FEM1B: variants seen among roughly 807,000 people sequenced by gnomAD.
The protein encoded by FEM1B is fem-1 homolog B, also known as protein fem-1 homolog B.
A neutral mutation model predicts 38.6 loss-of-function variants in FEM1B; 10 were observed. The ratio of observed to expected loss-of-function variants is 0.26; its 90% CI spans 0.16 to 0.44. The LOEUF is 0.44. FEM1B is among the 20% of genes least tolerant of loss of function. The pLI, the probability that FEM1B is intolerant of heterozygous loss-of-function variation, is 1.00. For synonymous variants in FEM1B, 288 were observed against 288.0 expected (o/e 1.00, Z 0.00); for missense variants, 471 against 786.7 (o/e 0.60, Z 4.80).
intron 1 of FEM1B, among the ~76,000 whole-genome samples, chr15:68,285,159 C>T (rs1892772594): frequency 6.6e-6 from 1 of 152,008 alleles, no homozygotes; most frequent in Non-Finnish European, 1.5e-5. Flanking sequence ...TCGCTTAACA[C>T]AGTGTCTTTG....
chr15:68,283,635 C>T (rs115243221), intron 1 of FEM1B, among the ~76,000 whole-genome samples: 1,664 of 151,686 alleles, frequency 0.011, 41 homozygotes, highest in African/African-American at 0.039. Context: ...GATTGTGCCA[C>T]TGTACTTAGC....
In FEM1B at chr15:68,294,334, T is replaced by C. The variant is rs1459701092; in HGVS notation, c.*3092T>C. 6.6e-6 allele frequency: 1 copy of C among 152,134 alleles called. No homozygotes were observed. The highest frequency in any genetic ancestry group is 2.4e-5 in the African/African-American group (1 of 41,434). 9.4% of individuals were successfully genotyped at this position (152,134 alleles called of 1,614,324 possible). Reference sequence around the variant, plus strand: ...GACCATCTGTAAGCTTTGGTCTGCTTGTTTCTGAGAAGGGTTTTATTTCAT... The same window carrying C: ...GACCATCTGTAAGCTTTGGTCTGCTCGTTTCTGAGAAGGGTTTTATTTCAT... On this transcript the variant is annotated 3_prime_UTR_variant, in exon 2 of 2. Coordinates refer to ENST00000306917, the MANE Select transcript of FEM1B (RefSeq NM_015322.5). The surrounding 1 kb of genome is among the most constrained non-coding windows in gnomAD (Gnocchi z 4.4).
Position 68,278,450 on chromosome 15 carries a change from G to A in FEM1B, c.33G>A (p.Ala11=), listed in dbSNP as rs576355982. Reference sequence around the variant, plus strand: ...GCCTGGCTGGCTATGTATACAAGGCGGCCAGCGAGGGCAAGGTGCTGACTC... The same window carrying A: ...GCCTGGCTGGCTATGTATACAAGGCAGCCAGCGAGGGCAAGGTGCTGACTC... MEGLAGYVYK[A]ASEGKVLTLA... The change falls in exon 1 of 2, where the codon GCG becomes GCA. Residue 11 remains alanine (A), a synonymous_variant. Coordinates refer to ENST00000306917, the MANE Select transcript of FEM1B (RefSeq NM_015322.5). The surrounding 1 kb of genome is among the most constrained non-coding windows in gnomAD (Gnocchi z 5.7). 3.7e-6 allele frequency: 6 copies of A among 1,613,126 alleles called. No homozygotes were observed. The highest frequency in any genetic ancestry group is 2.2e-5 in the East Asian group (1 of 44,884).
Position 68,278,774 on chromosome 15 carries a change from C to T in FEM1B, c.248+109C>T, listed in dbSNP as rs1892693079. 8 of 1,301,052 alleles carry T rather than the reference C, an allele frequency of 6.1e-6. No individual in the cohort carries two copies. Among genetic ancestry groups the T allele is most frequent in the South Asian group, 1.3e-5 (1 of 75,042 alleles). The allele number at this position is 1,301,052 out of a possible 1,614,324, so 80.6% of individuals were successfully genotyped here. On this transcript the variant is annotated intron_variant, in intron 1 of 1. Transcript: ENST00000306917. The surrounding 1 kb of genome is among the most constrained non-coding windows in gnomAD (Gnocchi z 5.7). ...CCTCTCTTCATGTAGGTACTCACTT[C>T]TCCCCTTTTTGTACCACCTCCTGCC...
At chr15:68,279,293 G>A (rs80224911) in intron 1 of FEM1B, among the ~76,000 whole-genome samples, 4,460 of 152,288 alleles carry the variant, frequency 0.029, 103 homozygotes, top group Non-Finnish European at 0.045. Context: ...CCTGATGTGG[G>A]AGATGATGCC....
rs2140242269 is a variant in FEM1B, at chr15:68,281,959, T to G, written c.248+3294T>G. On this transcript the variant is annotated intron_variant, in intron 1 of 1. Transcript: ENST00000306917. This position sits in a 1 kb window ranked among gnomAD's most constrained non-coding sequence, Gnocchi z 5.1. ...GTAACATTTGAGATTATTTTACTTG[T>G]GGCGTGACATGTGAATACCATGTTG... is the stretch of plus-strand genomic sequence containing the variant. Among the ~76,000 whole-genome samples the G allele has an allele frequency of 6.6e-6, 1 of 152,252 alleles. No homozygotes were observed. The highest frequency in any genetic ancestry group is 2.4e-5 in the African/African-American group (1 of 41,552).
At position 68,295,272 on chromosome 15, in the gene FEM1B, T is replaced by C. The variant is rs1161765637; in HGVS notation, c.*4030T>C. 6.6e-6 allele frequency: 1 copy of C among 152,164 alleles called. No individual in the cohort carries two copies. Among genetic ancestry groups the C allele is most frequent in the African/African-American group, 2.4e-5 (1 of 41,402 alleles). The allele number at this position is 152,164 out of a possible 1,614,324, so 9.4% of individuals were successfully genotyped here. A position where few individuals can be genotyped will look rare whatever the true frequency, so the allele number is the denominator to read the frequency against. On this transcript the variant is annotated 3_prime_UTR_variant, in exon 2 of 2. Coordinates refer to ENST00000306917, the MANE Select transcript of FEM1B (RefSeq NM_015322.5). Reference sequence around the variant, plus strand: ...TACAGCTTTTATTCAGGGTGAGTCATGTGATGAATGGCCTAATCAGAAAAG... The same window carrying C: ...TACAGCTTTTATTCAGGGTGAGTCACGTGATGAATGGCCTAATCAGAAAAG...
At chr15:68,285,683 T>C (rs948429145) in intron 1 of FEM1B, among the ~76,000 whole-genome samples, 1 of 152,120 alleles carries the variant, frequency 6.6e-6, no homozygotes, top group African/African-American at 2.4e-5. Context: ...GAAGTATACT[T>C]GTTCAGTCTT....
In FEM1B at chr15:68,278,176, C is replaced by T. The variant is rs1362840545; in HGVS notation, c.-242C>T. The T allele has an allele frequency of 6.4e-5, 30 of 472,056 alleles. No homozygotes were observed. In the Admixed American group the frequency reaches 1.2e-3, roughly 19 times the overall value. The allele number at this position is 472,056 out of a possible 1,614,324, so 29.2% of individuals were successfully genotyped here. On this transcript the variant is annotated 5_prime_UTR_variant, in exon 1 of 2. Coordinates refer to ENST00000306917, the MANE Select transcript of FEM1B (RefSeq NM_015322.5). This position sits in a 1 kb window ranked among gnomAD's most constrained non-coding sequence, Gnocchi z 5.7. ...GGGCCGGCGCCTGGGACCTGGCGGG[C>T]GGCCCTGACCGCCTTCCTCCCTGCG...
rs1248501175 is a variant in FEM1B at position 68,295,469 on chromosome 15, G to A, written c.*4227G>A. 1 of 152,154 alleles carries A rather than the reference G, an allele frequency of 6.6e-6. No individual in the cohort carries two copies. Among genetic ancestry groups the A allele is most frequent in the African/African-American group, 2.4e-5 (1 of 41,434 alleles). The allele number at this position is 152,154 out of a possible 1,614,324, so 9.4% of individuals were successfully genotyped here. On this transcript the variant is annotated 3_prime_UTR_variant, in exon 2 of 2. Coordinates refer to ENST00000306917, the MANE Select transcript of FEM1B (RefSeq NM_015322.5). ...CAGCTTTCCTCACAGTCTTTTCAAAGGTACACAGTTGGGGAGTAAAATCTG... is the reference window on the plus strand; with the variant it reads ...CAGCTTTCCTCACAGTCTTTTCAAAAGTACACAGTTGGGGAGTAAAATCTG...
At chr15:68,286,072 G>A (rs933849802) in intron 1 of FEM1B, among the ~76,000 whole-genome samples, 3 of 151,656 alleles carry the variant, frequency 2.0e-5, no homozygotes, top group Non-Finnish European at 4.4e-5. Context: ...GTACTGTGAG[G>A]TAGGAATCAA....
At position 68,289,615 on chromosome 15, in the gene FEM1B, T is replaced by C; in HGVS notation, c.257T>C (p.Ile86Thr). 6.2e-7 allele frequency: 1 copy of C among 1,613,700 alleles called. No homozygotes were observed. The change falls in exon 2 of 2, where the codon ATT (isoleucine) becomes ACT (threonine). Residue 86 changes from isoleucine to threonine, a missense_variant. Physicochemically the swap from Ile to Thr is moderately conservative, Grantham distance 89. Coordinates refer to ENST00000306917, the MANE Select transcript of FEM1B (RefSeq NM_015322.5). The surrounding 1 kb of genome is among the most constrained non-coding windows in gnomAD (Gnocchi z 6.9). ...ATTCTTTTCATGTGTAGGTATGTCA[T>C]TGATGGTGCCACTGCTCTTTGGTGT... is the stretch of plus-strand genomic sequence containing the variant. ...TGTVRFDGYV[I>T]DGATALWCAA...
In FEM1B at chr15:68,290,134, C is replaced by T. The variant is rs747264002; in HGVS notation, c.776C>T (p.Ser259Phe). Reference protein sequence around the residue: ...RIEALELLGASFANDRENYDI... With the variant: ...RIEALELLGAFFANDRENYDI... ...GAAGCTTTGGAACTCTTGGGTGCCT[C>T]CTTTGCAAATGACCGTGAGAACTAT... Residue 259 changes from serine to phenylalanine, a missense_variant, in exon 2 of 2, where the codon TCC becomes TTC. Physicochemically the swap from Ser to Phe is radical, Grantham distance 155 (BLOSUM62 -2). This residue lies in a region of FEM1B where 380 missense variants were observed against 599.6 expected (regional missense o/e 0.63). Coordinates refer to ENST00000306917, the MANE Select transcript of FEM1B (RefSeq NM_015322.5). The surrounding 1 kb of genome is among the most constrained non-coding windows in gnomAD (Gnocchi z 9.7). The T allele has an allele frequency of 6.2e-7, 1 of 1,614,038 alleles. No homozygotes were observed.
rs546745167 is a variant in FEM1B, at chr15:68,288,995, T to C, written c.249-612T>C. On this transcript the variant is annotated intron_variant, in intron 1 of 1. Transcript: ENST00000306917. The surrounding 1 kb of genome is among the most constrained non-coding windows in gnomAD (Gnocchi z 4.6). ...GGTATGTAAATGTAATAATATAATA[T>C]GTGCTGTGTTCATCTGACTTCTTTT... 2.0e-3 allele frequency among the ~76,000 whole-genome samples: 304 copies of C among 152,358 alleles called. 1 individual carries two copies. Among genetic ancestry groups the C allele is most frequent in the African/African-American group, 6.9e-3 (285 of 41,572 alleles).
rs2140243194 is a variant in FEM1B, at chr15:68,284,071, G to T, written c.248+5406G>T. Reference sequence around the variant, plus strand: ...TGGCTAATTTTGTATTTTTAGTAGAGATGGGGTTTTTCCGTGTTGGTCAGG... The same window carrying T: ...TGGCTAATTTTGTATTTTTAGTAGATATGGGGTTTTTCCGTGTTGGTCAGG... On this transcript the variant is annotated intron_variant, in intron 1 of 1. Coordinates refer to ENST00000306917, the MANE Select transcript of FEM1B (RefSeq NM_015322.5). The surrounding 1 kb of genome is among the most constrained non-coding windows in gnomAD (Gnocchi z 4.4). Among the ~76,000 whole-genome samples, 2 of 152,170 alleles carry T rather than the reference G, an allele frequency of 1.3e-5. No homozygotes were observed. The highest frequency in any genetic ancestry group is 1.3e-4 in the Admixed American group (2 of 15,292).
chr15:68,286,770 C>T (rs551621597), intron 1 of FEM1B, among the ~76,000 whole-genome samples: 1 of 149,664 alleles, frequency 6.7e-6, no homozygotes, highest in South Asian at 2.1e-4. Flanking sequence ...GTTTATTGAA[C>T]TTTACATAAT....
chr15:68,278,221 G>GC lies in FEM1B; in HGVS notation c.-194dup. The GC allele has an allele frequency of 1.4e-6, 1 of 697,530 alleles. No individual in the cohort carries two copies. The highest frequency in any genetic ancestry group is 3.1e-5 in the East Asian group (1 of 32,402). The allele number at this position is 697,530 out of a possible 1,614,324, so 43.2% of individuals were successfully genotyped here. ...CCTGCGCGGGCTGGGTCGCGGACGT[G>GC]CCCTTCGCGGCACTCGGCCTCCTCT... On this transcript the variant is annotated 5_prime_UTR_variant, in exon 1 of 2. Coordinates refer to ENST00000306917, the MANE Select transcript of FEM1B (RefSeq NM_015322.5). This position sits in a 1 kb window ranked among gnomAD's most constrained non-coding sequence, Gnocchi z 5.7.
In FEM1B at chr15:68,278,032, T is replaced by A; in HGVS notation, c.-386T>A. 4.8e-6 allele frequency: 1 copy of A among 206,580 alleles called. No individual in the cohort carries two copies. The highest frequency in any genetic ancestry group is 9.7e-6 in the Non-Finnish European group (1 of 103,408). The allele number at this position is 206,580 out of a possible 1,614,324, so 12.8% of individuals were successfully genotyped here. A position where few individuals can be genotyped will look rare whatever the true frequency, so the allele number is the denominator to read the frequency against. On this transcript the variant is annotated 5_prime_UTR_variant, in exon 1 of 2. Transcript: ENST00000306917. This position sits in a 1 kb window ranked among gnomAD's most constrained non-coding sequence, Gnocchi z 5.7. ...CTTTCGCCATCCGGGGTGCGCGAGGTCCTCTCGGGACCCGGCCGGCGACCC... is the reference window on the plus strand; with the variant it reads ...CTTTCGCCATCCGGGGTGCGCGAGGACCTCTCGGGACCCGGCCGGCGACCC...
intron 1 of FEM1B, among the ~76,000 whole-genome samples, chr15:68,279,194 A>T (rs754498471): frequency 2.0e-5 from 3 of 152,162 alleles, no homozygotes; most frequent in Non-Finnish European, 4.4e-5. Context: ...ATCATGAGGG[A>T]TTGTCACGCA....
Sources: allele counts gnomAD v4.1 joint callset (sites outside exome capture counted in the v4.1 genomes callset), GRCh38; gene constraint gnomAD v4.1.1; regional missense constraint gnomAD v4.1.1; non-coding constraint Gnocchi (gnomAD v3.1); transcripts MANE v1.5; gene names NCBI Gene and HGNC (gene_info 2026-07-23, HGNC 2026-07-21).